TAPT1: variants seen among roughly 807,000 people sequenced by gnomAD.
TAPT1 encodes transmembrane anterior posterior transformation protein 1 homolog.
Under a neutral mutation model 65.6 loss-of-function variants are expected in TAPT1, and 28 were observed. The observed-to-expected ratio is 0.43, with a 90% CI of 0.32 to 0.59. The LOEUF (loss-of-function observed/expected upper bound fraction) is 0.59. TAPT1 is among the 20% of genes least tolerant of loss of function. The pLI, the probability that TAPT1 is intolerant of heterozygous loss-of-function variation, is 0.09. For missense variants in TAPT1, 563 were observed against 679.9 expected, an observed-to-expected ratio of 0.83 and a Z score of 1.91; for synonymous variants, 278 against 245.2, an observed-to-expected ratio of 1.13 and a Z score of -1.25.
intron 4 of TAPT1, chr4:16,190,450 T>G (rs913815115): frequency 3.9e-5 from 6 of 152,108 alleles, no homozygotes; most frequent in African/African-American, 1.4e-4. Context: ...GTGATTCTCC[T>G]ACCTCAGCCT....
intron 4 of TAPT1, chr4:16,190,767 T>A (rs917770394): frequency 6.5e-6 from 1 of 154,860 alleles, no homozygotes; most frequent in African/African-American, 2.4e-5. Context: ...AACTTATTTT[T>A]TATATAAATG....
intron 3 of TAPT1, among the ~76,000 whole-genome samples, chr4:16,201,960 G>A (rs1487275018): frequency 3.3e-5 from 5 of 152,174 alleles, no homozygotes; most frequent in South Asian, 2.1e-4. Flanking sequence ...AATCAGTCTC[G>A]TCCATAACCA....
chr4:16,184,280 T>C (rs780353461), intron 7 of TAPT1, among the ~76,000 whole-genome samples: 9 of 152,206 alleles, frequency 5.9e-5, no homozygotes, highest in Non-Finnish European at 1.2e-4. Context: ...ATGTACACTT[T>C]TGTGTCTGGC....
chr4:16,190,928 A>C, intron 4 of TAPT1: 1 of 157,972 alleles, frequency 6.3e-6, no homozygotes, highest in Middle Eastern at 5.2e-4. Context: ...GCAAACATAT[A>C]CATAATCATA....
intron 2 of TAPT1, among the ~76,000 whole-genome samples, chr4:16,206,457 G>A (rs1180960591): frequency 1.3e-5 from 2 of 152,184 alleles, no homozygotes; most frequent in African/African-American, 4.8e-5. Context: ...GGGCTGTGGT[G>A]CTCCTGCTGA....
intron 3 of TAPT1, among the ~76,000 whole-genome samples, chr4:16,195,699 G>C (rs1294419966): frequency 1.3e-5 from 2 of 152,164 alleles, no homozygotes; most frequent in African/African-American, 4.8e-5. Context: ...CAATTTACCA[G>C]TTAGAGCATC....
intron 12 of TAPT1, among the ~76,000 whole-genome samples, chr4:16,168,120 C>T (rs1578408158): frequency 6.7e-6 from 1 of 148,706 alleles, no homozygotes; most frequent in Non-Finnish European, 1.5e-5. Context: ...AGTTGGTTTT[C>T]TTTTTTTTTT....
At chr4:16,176,978 A>T (rs1056550906) in intron 8 of TAPT1, among the ~76,000 whole-genome samples, 1 of 152,212 alleles carries the variant, frequency 6.6e-6, no homozygotes, top group Non-Finnish European at 1.5e-5. Context: ...ATATTAATCA[A>T]TCCTTTGTTT....
At chr4:16,215,654 G>A (rs954096063) in intron 1 of TAPT1, among the ~76,000 whole-genome samples, 2 of 152,154 alleles carry the variant, frequency 1.3e-5, no homozygotes, top group East Asian at 1.9e-4. Flanking sequence ...TACATGTGTC[G>A]TACTTTCTCT....
chr4:16,219,391 C>A (rs1298947562), intron 1 of TAPT1, among the ~76,000 whole-genome samples: 2 of 152,224 alleles, frequency 1.3e-5, no homozygotes, highest in Non-Finnish European at 2.9e-5. Flanking sequence ...TTACTAGTTG[C>A]TCCCTTACAA....
At chr4:16,170,809 G>T (rs1747943821) in intron 11 of TAPT1, 80 bp from the exon 12 acceptor site, 5 of 1,075,204 alleles carry the variant, frequency 4.7e-6, no homozygotes, top group Non-Finnish European at 7.0e-6. Flanking sequence ...TACTTAAAAA[G>T]ATTTCTCCAT....
At chr4:16,187,795 C>T (rs902956918) in intron 5 of TAPT1, among the ~76,000 whole-genome samples, 2 of 152,162 alleles carry the variant, frequency 1.3e-5, no homozygotes, top group African/African-American at 4.8e-5. Context: ...ACCAAAACTC[C>T]TCCCAACCAA....
chr4:16,204,476 T>C (rs918328735), intron 2 of TAPT1, among the ~76,000 whole-genome samples: 1 of 152,272 alleles, frequency 6.6e-6, no homozygotes, highest in East Asian at 1.9e-4. Flanking sequence ...TTTATCAAAA[T>C]GTACATGTTT....
At chr4:16,204,482 T>C (rs1750224503) in intron 2 of TAPT1, among the ~76,000 whole-genome samples, 1 of 152,258 alleles carries the variant, frequency 6.6e-6, no homozygotes, top group Middle Eastern at 3.2e-3. Flanking sequence ...AAAATGTACA[T>C]GTTTCAAAAT....
Position 16,191,540 on chromosome 4 carries a change from G to A in TAPT1, c.450-17C>T, listed in dbSNP as rs1326673771. 5 of 1,548,032 alleles carry A rather than the reference G, an allele frequency of 3.2e-6. No homozygotes were observed. The highest frequency in any genetic ancestry group is 4.4e-6 in the Non-Finnish European group (5 of 1,145,238). ...CGTCTGTCCCTGAAACATACAAGAA[G>A]TAATAAAAATATAATTTTTACTCTG... On this transcript the variant is annotated splice_polypyrimidine_tract_variant and intron_variant, in intron 3 of 13. Transcript: ENST00000405303.
At chr4:16,224,256 G>A (rs1031121026) in intron 1 of TAPT1, among the ~76,000 whole-genome samples, 4 of 152,158 alleles carry the variant, frequency 2.6e-5, no homozygotes, top group Non-Finnish European at 5.9e-5. Flanking sequence ...AGGAGGGGAA[G>A]GAAGGATTAC....
chr4:16,225,966 G>A (rs1342008249), intron 1 of TAPT1: 2 of 993,562 alleles, frequency 2.0e-6, no homozygotes, highest in Non-Finnish European at 2.4e-6. Context: ...GACCTTCCGA[G>A]GGCGATGCAA....
At chr4:16,192,102 A>G (rs1251006412) in intron 3 of TAPT1, among the ~76,000 whole-genome samples, 1 of 152,210 alleles carries the variant, frequency 6.6e-6, no homozygotes, top group Non-Finnish European at 1.5e-5. Flanking sequence ...CATGTCACAT[A>G]TATGAAAGTG....
At position 16,166,621 on chromosome 4, in the gene TAPT1, G is replaced by C. The variant is rs1373110; in HGVS notation, c.1474+12C>G. On this transcript the variant is annotated intron_variant, in intron 13 of 13. Transcript: ENST00000405303. ...AATGATCCAGGGAAGTGAAGAAAGG[G>C]ACCAAACCTACCTTGAGAGGGTTTA... The C allele has an allele frequency of 3.6e-4, 573 of 1,612,232 alleles. 1 individual carries two copies. The African/African-American group carries it at 7.0e-3, about 20-fold the overall frequency.
Sources: allele counts gnomAD v4.1 joint callset (sites outside exome capture counted in the v4.1 genomes callset), GRCh38; gene constraint gnomAD v4.1.1; transcripts MANE v1.5; gene names NCBI Gene and HGNC (gene_info 2026-07-23, HGNC 2026-07-21).